The following MCF2L variants were observed in gnomAD, a reference collection of about 807,000 sequenced individuals.
MCF2L encodes MCF.2 cell line derived transforming sequence like, also known as guanine nucleotide exchange factor DBS.
A neutral mutation model predicts 153.4 loss-of-function variants in MCF2L; 97 were observed. The observed-to-expected ratio is 0.63, with a 90% confidence interval of 0.54 to 0.75. MCF2L has a LOEUF of 0.75. MCF2L is among the 30% of genes least tolerant of loss of function. The pLI is 0.00. For synonymous variants in MCF2L, 659 were observed against 632.2 expected, an observed-to-expected ratio of 1.04 and a Z score of -0.64; for missense variants, 1,347 against 1,495.2, an observed-to-expected ratio of 0.90 and a Z score of 1.64.
At chr13:113,062,613 A>G (rs1226169105) in intron 5 of MCF2L, among the ~76,000 whole-genome samples, 2 of 151,950 alleles carry the variant, frequency 1.3e-5, no homozygotes, top group Non-Finnish European at 2.9e-5. Context: ...CTTCAAACTC[A>G]CAGCCCCACT....
chr13:112,919,246 C>T (rs1219607890), intron 2 of MCF2L, among the ~76,000 whole-genome samples: 1 of 135,070 alleles, frequency 7.4e-6, no homozygotes, highest in Non-Finnish European at 1.5e-5. Flanking sequence ...TGCTCTGTCG[C>T]CCAGGCTGGA....
At chr13:112,930,824 C>A (rs1021432327) in intron 2 of MCF2L, among the ~76,000 whole-genome samples, 30 of 152,262 alleles carry the variant, frequency 2.0e-4, no homozygotes, top group African/African-American at 5.3e-4. Flanking sequence ...GTAATCCCAG[C>A]TACTCAGGAG....
Position 113,087,725 on chromosome 13 carries a change from A to T in MCF2L, c.2614A>T (p.Thr872Ser). The change falls in exon 23 of 30, where the codon ACG becomes TCG. Residue 872 changes from threonine to serine, a missense_variant. Around this residue, in one of 3 missense-constraint regions of MCF2L, gnomAD observed 144 missense variants for 238.7 expected, o/e 0.60. Transcript: ENST00000535094. ...CTCGCAGATGGCTGCCGTTGGCATTACGGAGAACGTGAAGGGAGATGCTAA... is the reference window on the plus strand; with the variant it reads ...CTCGCAGATGGCTGCCGTTGGCATTTCGGAGAACGTGAAGGGAGATGCTAA... ...QSLNMAAVGITENVKGDAKKF... is the reference protein window; with the variant it reads ...QSLNMAAVGISENVKGDAKKF... 6.2e-7 allele frequency: 1 copy of T among 1,614,054 alleles called. No homozygotes were observed. Among genetic ancestry groups the T allele is most frequent in the Non-Finnish European group, 8.5e-7 (1 of 1,179,980 alleles).
chr13:113,058,671 T>C (rs1468754615), intron 4 of MCF2L, among the ~76,000 whole-genome samples: 1 of 132,240 alleles, frequency 7.6e-6, no homozygotes, highest in Admixed American at 7.5e-5. Flanking sequence ...GTGGGCGCTG[T>C]GTGTTTGGGC....
chr13:113,073,386 T>C (rs1325280758), intron 9 of MCF2L, among the ~76,000 whole-genome samples: 2 of 152,292 alleles, frequency 1.3e-5, no homozygotes, highest in East Asian at 3.9e-4. Context: ...AGGTGGTGCA[T>C]TATCCATAAC....
chr13:113,057,830 T>C (rs1344152612), intron 4 of MCF2L, among the ~76,000 whole-genome samples: 4 of 150,552 alleles, frequency 2.7e-5, no homozygotes, highest in South Asian at 4.2e-4. Flanking sequence ...GGGCACTGTG[T>C]GGGCGCTGAG....
chr13:112,967,962 C>T (rs770109766), upstream of MCF2L: 26 of 189,848 alleles, frequency 1.4e-4, no homozygotes, highest in Non-Finnish European at 2.5e-4. Context: ...TGGAATGGTG[C>T]ACGCATGCTC....
intron 1 of MCF2L, among the ~76,000 whole-genome samples, chr13:113,000,109 C>T (rs1345322087): frequency 6.6e-6 from 1 of 152,162 alleles, no homozygotes; most frequent in Non-Finnish European, 1.5e-5. Flanking sequence ...CGTGGCCTCC[C>T]CCGGGGCTCG....
At chr13:113,088,689 G>A (rs931992433) in intron 25 of MCF2L, 61 bp downstream of exon 25, 2 of 1,527,236 alleles carry the variant, frequency 1.3e-6, no homozygotes, top group Non-Finnish European at 1.8e-6. Context: ...CAGGCCATTT[G>A]CACGCCAGGG....
intron 2 of MCF2L, among the ~76,000 whole-genome samples, chr13:113,024,051 G>T (rs1368413436): frequency 1.3e-5 from 2 of 152,252 alleles, no homozygotes; most frequent in African/African-American, 2.4e-5. Context: ...AAGGCAGTGT[G>T]GCAGGGTCAG....
Position 113,074,679 on chromosome 13 carries a change from C to T in MCF2L, c.1116+116C>T, listed in dbSNP as rs1281678548. The T allele has an allele frequency of 5.5e-6, 8 of 1,446,986 alleles. No homozygotes were observed. The highest frequency in any genetic ancestry group is 1.4e-5 in the African/African-American group (1 of 71,788). The allele number at this position is 1,446,986 out of a possible 1,614,324, so 89.6% of individuals were successfully genotyped here. ...ACGGAGAACGGACCCCACAGCCCCC[C>T]GGGGATGTCCATGGGGTGGGGGGTG... On this transcript the variant is annotated intron_variant, in intron 10 of 29. Coordinates refer to ENST00000535094, the MANE Select transcript of MCF2L (RefSeq NM_001112732.3). The surrounding 1 kb of genome is among the most constrained non-coding windows in gnomAD (Gnocchi z 4.2).
At chr13:112,979,512 C>CAG (rs2082326036) in intron 1 of MCF2L, 3 of 1,466,664 alleles carry the variant, frequency 2.0e-6, no homozygotes, top group Non-Finnish European at 1.8e-6. Flanking sequence ...TCCTGAGCAC[C>CAG]TGTCTCTTGT....
chr13:112,939,447 G>A (rs186859954), intron 2 of MCF2L, among the ~76,000 whole-genome samples: 36 of 152,226 alleles, frequency 2.4e-4, no homozygotes, highest in African/African-American at 7.9e-4. Flanking sequence ...CCACACCAGG[G>A]GACAAAGTTG....
intron 1 of MCF2L, among the ~76,000 whole-genome samples, chr13:112,895,476 A>G (rs2081058215): frequency 1.3e-5 from 2 of 151,998 alleles, no homozygotes; most frequent in African/African-American, 4.8e-5. Flanking sequence ...GGAGACCCAC[A>G]TGGCCAGGTG....
Position 113,064,530 on chromosome 13 carries a change from G to A in MCF2L, c.606+110G>A, listed in dbSNP as rs2032057925. The A allele has an allele frequency of 1.4e-6, 1 of 707,342 alleles. No individual in the cohort carries two copies. The highest frequency in any genetic ancestry group is 1.6e-5 in the South Asian group (1 of 63,974). The allele number at this position is 707,342 out of a possible 1,614,324, so 43.8% of individuals were successfully genotyped here. On this transcript the variant is annotated intron_variant, in intron 6 of 29. Transcript: ENST00000535094. The surrounding 1 kb of genome is among the most constrained non-coding windows in gnomAD (Gnocchi z 6.0). ...TTCCAAAAACACATTCACATTAACA[G>A]TCGTTTTCTTTCCCAAGAATGAGGA...
chr13:113,044,036 A>G (rs2086656135), intron 3 of MCF2L: 1 of 157,380 alleles, frequency 6.4e-6, no homozygotes, highest in Admixed American at 6.0e-5. Context: ...CTCCGTAAGA[A>G]CTAAGCCAGA....
intron 1 of MCF2L, among the ~76,000 whole-genome samples, chr13:112,989,143 A>G (rs1384951233): frequency 3.8e-5 from 3 of 78,438 alleles, no homozygotes; most frequent in Non-Finnish European, 5.2e-5. Context: ...GAGCTACCAC[A>G]CCGGAGTCCT....
intron 3 of MCF2L, chr13:113,043,860 G>C (rs1219867512): frequency 6.6e-6 from 1 of 152,356 alleles, no homozygotes; most frequent in Non-Finnish European, 1.5e-5. Context: ...ACCACACTCA[G>C]CTAATCTTTG....
At chr13:112,962,588 A>T (rs2081844997) in intron 2 of MCF2L, among the ~76,000 whole-genome samples, 1 of 152,188 alleles carries the variant, frequency 6.6e-6, no homozygotes, top group Non-Finnish European at 1.5e-5. Context: ...CTTCTTGCCC[A>T]GACCGCAGCA....
Sources: gnomAD v4.1 joint callset for allele counts (sites outside exome capture counted in the v4.1 genomes callset) on GRCh38, gnomAD v4.1.1 for gene constraint, gnomAD v4.1.1 regional missense constraint, Gnocchi (gnomAD v3.1) non-coding constraint, MANE v1.5 for transcripts, NCBI Gene and HGNC (gene_info 2026-07-23, HGNC 2026-07-21) for gene names.